Variants in PCDH15 observed in about 807,000 individuals in gnomAD.
PCDH15 encodes protocadherin-15.
In PCDH15, 129 loss-of-function variants were observed where a neutral mutation model predicts 178.5. That is an observed-to-expected ratio of 0.72 (90% CI 0.63 to 0.84). The LOEUF (loss-of-function observed/expected upper bound fraction) is 0.84. Among genes scored for constraint, PCDH15 ranks in the 40% least tolerant of loss-of-function variants. PCDH15 has a pLI of 0.00. For synonymous variants in PCDH15, 800 were observed against 732.0 expected (o/e 1.09, Z -1.50); for missense variants, 2,230 against 2,099.9 (o/e 1.06, Z -1.21).
At chr10:54,506,106 A>G (rs982765253) in intron 3 of PCDH15, among the ~76,000 whole-genome samples, 1 of 152,164 alleles carries the variant, frequency 6.6e-6, no homozygotes, top group African/African-American at 2.4e-5. Context: ...TCAAATGCAC[A>G]GTTCATGAAT....
chr10:54,725,541 T>TTTATAC (rs1392995645), intron 1 of PCDH15, among the ~76,000 whole-genome samples: 65 of 113,504 alleles, frequency 5.7e-4, no homozygotes, highest in African/African-American at 1.6e-3. Context: ...TAAATATAAT[T>TTTATAC]ATATATATAA....
intron 8 of PCDH15, among the ~76,000 whole-genome samples, chr10:54,294,488 C>T (rs183250623): frequency 3.9e-5 from 6 of 152,176 alleles, no homozygotes; most frequent in Admixed American, 3.3e-4. Flanking sequence ...ACATTTTCTG[C>T]CTCAAATAGA....
chr10:54,777,223 A>G (rs1949806435), intron 1 of PCDH15, among the ~76,000 whole-genome samples: 1 of 152,184 alleles, frequency 6.6e-6, no homozygotes, highest in South Asian at 2.1e-4. Context: ...GCGCACATCT[A>G]TACAATACTA....
intron 15 of PCDH15, among the ~76,000 whole-genome samples, chr10:54,094,777 T>A (rs1035827872): frequency 2.6e-5 from 4 of 152,162 alleles, no homozygotes; most frequent in African/African-American, 9.7e-5. Context: ...TAATTTTGCC[T>A]GAAGAACAAA....
chr10:55,123,429 C>T (rs1039612279), intron 2 of PCDH15, among the ~76,000 whole-genome samples: 1 of 151,972 alleles, frequency 6.6e-6, no homozygotes, highest in Non-Finnish European at 1.5e-5. Flanking sequence ...AAATTCAAAT[C>T]TGATTTTATG....
At chr10:54,951,652 C>T (rs866549877) in intron 2 of PCDH15, among the ~76,000 whole-genome samples, 8 of 151,742 alleles carry the variant, frequency 5.3e-5, no homozygotes, top group Admixed American at 2.0e-4. Flanking sequence ...TCTTTTAAAG[C>T]GGTTATAGCA....
rs116239695 is a variant in PCDH15 at position 54,708,581 on chromosome 10, T to C, written c.-28-44291A>G. Among the ~76,000 whole-genome samples the C allele has an allele frequency of 8.4e-3, 1,272 of 152,316 alleles. 13 individuals carry two copies. The highest frequency in any genetic ancestry group is 0.028 in the African/African-American group (1,178 of 41,572). ...CAGCCATGTGAATTTTGCAGTTACA[T>C]GGTTTTACTGTTTCTCTTTGTTTTC... On this transcript the variant is annotated intron_variant, in intron 1 of 37. Coordinates refer to ENST00000644397, the MANE Select transcript of PCDH15 (RefSeq NM_001384140.1).
chr10:54,947,239 A>T (rs188321447), intron 2 of PCDH15, among the ~76,000 whole-genome samples: 2 of 151,938 alleles, frequency 1.3e-5, no homozygotes, highest in Non-Finnish European at 2.9e-5. Flanking sequence ...TGCGTGACTT[A>T]GCTCATTTAG....
rs148683922 is a variant in PCDH15, at chr10:53,890,020, C to A, written c.3501+13223G>T. On this transcript the variant is annotated intron_variant, in intron 26 of 37. Transcript: ENST00000644397. Reference sequence around the variant, plus strand: ...TGTTTCTTGACCTGGGCACTGGTTACACTACCGTGTTCACTTTGTAAATAT... The same window carrying A: ...TGTTTCTTGACCTGGGCACTGGTTAAACTACCGTGTTCACTTTGTAAATAT... Among the ~76,000 whole-genome samples the A allele has an allele frequency of 6.6e-5, 10 of 152,328 alleles. No homozygotes were observed. In the East Asian group the frequency reaches 1.7e-3, roughly 26 times the overall value.
At chr10:55,438,576 A>G (rs1839103794) in intron 2 of PCDH15, among the ~76,000 whole-genome samples, 1 of 152,130 alleles carries the variant, frequency 6.6e-6, no homozygotes, top group South Asian at 2.1e-4. Flanking sequence ...CCAACAATAA[A>G]AAGAGGTAAA....
intron 2 of PCDH15, among the ~76,000 whole-genome samples, chr10:54,565,175 G>A (rs1009087602): frequency 6.6e-6 from 1 of 152,168 alleles, no homozygotes; most frequent in African/African-American, 2.4e-5. Flanking sequence ...AGGAGAAAAT[G>A]TACCACCTAA....
Position 55,101,815 on chromosome 10 carries a change from T to C in PCDH15, c.-80+64761A>G, listed in dbSNP as rs559409628. On this transcript the variant is annotated intron_variant, in intron 2 of 5. Coordinates refer to the PCDH15 transcript ENST00000458638. Reference sequence around the variant, plus strand: ...TTCCACTGACTACCAGAAAGAACAATTTTAAAAACTAAGTGCATTTTCATC... The same window carrying C: ...TTCCACTGACTACCAGAAAGAACAACTTTAAAAACTAAGTGCATTTTCATC... Among the ~76,000 whole-genome samples, 173 of 151,728 alleles carry C rather than the reference T, an allele frequency of 1.1e-3. 1 individual carries two copies. Among genetic ancestry groups the C allele is most frequent in the African/African-American group, 3.9e-3 (163 of 41,478 alleles).
chr10:55,572,132 T>A (rs1238231018), intron 2 of PCDH15, among the ~76,000 whole-genome samples: 1 of 151,966 alleles, frequency 6.6e-6, no homozygotes, highest in Non-Finnish European at 1.5e-5. Flanking sequence ...GCTTTTGAGA[T>A]CAGCAAAATA....
intron 26 of PCDH15, among the ~76,000 whole-genome samples, chr10:53,884,574 C>T (rs1278005416): frequency 2.0e-5 from 3 of 152,082 alleles, no homozygotes; most frequent in Non-Finnish European, 4.4e-5. Context: ...ACAGATAATA[C>T]CTGTACTGAA....
At chr10:54,004,413 ACACACACACACAC>A (rs1476023224) in intron 20 of PCDH15, among the ~76,000 whole-genome samples, 8 of 74,134 alleles carry the variant, frequency 1.1e-4, no homozygotes, top group African/African-American at 2.1e-4. Context: ...ACACACACAC[ACACACACACACAC>A]CACACAAAGT....
In PCDH15 at chr10:55,194,821, TA is replaced by T. The variant is rs75398850; in HGVS notation, c.-155-28171del. Among the ~76,000 whole-genome samples, 742 of 145,386 alleles carry T rather than the reference TA, an allele frequency of 5.1e-3. 5 individuals are homozygous for T. Among genetic ancestry groups the T allele is most frequent in the African/African-American group, 0.017 (664 of 39,896 alleles). Reference sequence around the variant, plus strand: ...GAGAAGCACTACTGTAATTTAGAAGTAAAAAAAAAAAATCAATTATTTCCCC... The same window carrying T: ...GAGAAGCACTACTGTAATTTAGAAGTAAAAAAAAAAATCAATTATTTCCCC... On this transcript the variant is annotated intron_variant, in intron 1 of 5. Coordinates refer to the PCDH15 transcript ENST00000458638.
intron 8 of PCDH15, among the ~76,000 whole-genome samples, chr10:54,287,399 G>A (rs193202147): frequency 6.6e-6 from 1 of 152,214 alleles, no homozygotes; most frequent in East Asian, 1.9e-4. Flanking sequence ...TCTGTTTCAT[G>A]TAGCACATTT....
intron 6 of PCDH15, among the ~76,000 whole-genome samples, chr10:54,341,742 C>T (rs1402449163): frequency 4.6e-5 from 7 of 152,114 alleles, no homozygotes; most frequent in African/African-American, 7.2e-5. Context: ...GATAGTGATA[C>T]GGACAATGAA....
intron 2 of PCDH15, among the ~76,000 whole-genome samples, chr10:55,000,743 T>C (rs1839778054): frequency 6.6e-6 from 1 of 152,196 alleles, no homozygotes; most frequent in Admixed American, 6.5e-5. Context: ...CCATGAAATC[T>C]TCACAATTTA....
Sources: gnomAD v4.1 joint callset for allele counts (sites outside exome capture counted in the v4.1 genomes callset) on GRCh38, gnomAD v4.1.1 for gene constraint, MANE v1.5 for transcripts, NCBI Gene and HGNC (gene_info 2026-07-23, HGNC 2026-07-21) for gene names.